TLN2: variants seen among roughly 807,000 people sequenced by gnomAD.
TLN2 encodes the protein talin 2.
TLN2 carries 118 observed loss-of-function variants against 294.7 expected under a neutral mutation model. The ratio of observed to expected loss-of-function variants is 0.40; its 90% CI spans 0.34 to 0.47. The LOEUF is 0.47. Among genes scored for constraint, TLN2 ranks in the 20% least tolerant of loss-of-function variants. The pLI is 0.84. For missense variants in TLN2, 3,083 were observed against 3,282.2 expected (o/e 0.94, Z 1.48); for synonymous variants, 1,431 against 1,304.5 (o/e 1.10, Z -2.09).
At chr15:62,470,017 T>C (rs1039394352) in intron 1 of TLN2, among the ~76,000 whole-genome samples, 2 of 152,132 alleles carry the variant, frequency 1.3e-5, no homozygotes, top group African/African-American at 4.8e-5. Flanking sequence ...CGTGATTGAC[T>C]CAAAACAATA....
intron 16 of TLN2, among the ~76,000 whole-genome samples, chr15:62,699,748 C>T (rs1229262408): frequency 1.3e-5 from 2 of 152,222 alleles, no homozygotes; most frequent in Non-Finnish European, 1.5e-5. Context: ...CACCGGCTAG[C>T]GCTGTCATTC....
At chr15:62,582,244 A>ACG in intron 1 of TLN2, among the ~76,000 whole-genome samples, 1 of 102,796 alleles carries the variant, frequency 9.7e-6, no homozygotes, top group African/African-American at 3.9e-5. Context: ...ACACACACAC[A>ACG]CACATTCATG....
chr15:62,414,227 G>GA (rs1217790017), intron 1 of TLN2, among the ~76,000 whole-genome samples: 1 of 126,234 alleles, frequency 7.9e-6, no homozygotes, highest in African/African-American at 2.8e-5. Context: ...ATGATAGTAG[G>GA]AACAAGTAAG....
chr15:62,509,503 G>C (rs1008186684), intron 1 of TLN2, among the ~76,000 whole-genome samples: 1 of 152,186 alleles, frequency 6.6e-6, no homozygotes, highest in Admixed American at 6.5e-5. Flanking sequence ...GCAGAATCTA[G>C]ATTCCAAATA....
In TLN2 at chr15:62,783,886, A is replaced by G; in HGVS notation, c.5732A>G (p.Glu1911Gly). ...ATGGCAGCAGCCACGGCGGAACCAG[A>G]GGAGGTCTGCCACCTTAAGACCCCT... ...GQMAAATAEPEEIGFQIRTRV... is the reference protein window; with the variant it reads ...GQMAAATAEPGEIGFQIRTRV... Residue 1911 changes from glutamate (E) to glycine (G), a missense_variant, in exon 45 of 59, where the codon GAG becomes GGG. Physicochemically the swap from Glu to Gly is moderately conservative, Grantham distance 98. Coordinates refer to ENST00000636159, the MANE Select transcript of TLN2 (RefSeq NM_015059.3). 2 of 1,613,992 alleles carry G rather than the reference A, an allele frequency of 1.2e-6. No homozygotes were observed. The highest frequency in any genetic ancestry group is 1.7e-6 in the Non-Finnish European group (2 of 1,179,986).
chr15:62,690,938 G>A (rs1290321265), intron 12 of TLN2, among the ~76,000 whole-genome samples: 3 of 151,188 alleles, frequency 2.0e-5, no homozygotes, highest in Non-Finnish European at 4.4e-5. Flanking sequence ...CAGGCAGGGA[G>A]GTTGCAGTGA....
At chr15:62,561,766 G>C (rs1263983114) in intron 1 of TLN2, among the ~76,000 whole-genome samples, 2 of 151,646 alleles carry the variant, frequency 1.3e-5, no homozygotes, top group East Asian at 3.9e-4. Context: ...TTCCCTTTCC[G>C]ACTCCCTGGG....
chr15:62,836,612 C>CTGTTTGAAATTCTA (rs2069638887), intron 57 of TLN2, among the ~76,000 whole-genome samples: 1 of 152,226 alleles, frequency 6.6e-6, no homozygotes, highest in Non-Finnish European at 1.5e-5. Flanking sequence ...TTCTATGAGA[C>CTGTTTGAAATTCTA]TGTTGCTGTT....
At chr15:62,729,321 T>C (rs2060596358) in intron 28 of TLN2, among the ~76,000 whole-genome samples, 1 of 152,242 alleles carries the variant, frequency 6.6e-6, no homozygotes, top group African/African-American at 2.4e-5. Context: ...TTGATTATTC[T>C]TGGCCTTTTC....
In TLN2 at chr15:62,749,450, C is replaced by A. The variant is rs972676827; in HGVS notation, c.4120-952C>A. ...CCAGTACTCCGTCCCTTATTGATATCCTTGGTTGAAAAATATGACTAGTTT... is the reference window on the plus strand; with the variant it reads ...CCAGTACTCCGTCCCTTATTGATATACTTGGTTGAAAAATATGACTAGTTT... On this transcript the variant is annotated intron_variant, in intron 33 of 58. Coordinates refer to ENST00000636159, the MANE Select transcript of TLN2 (RefSeq NM_015059.3). Among the ~76,000 whole-genome samples, 5 of 152,174 alleles carry A rather than the reference C, an allele frequency of 3.3e-5. No individual in the cohort carries two copies. The East Asian group carries it at 9.6e-4, about 29-fold the overall frequency.
intron 28 of TLN2, among the ~76,000 whole-genome samples, chr15:62,735,059 A>ACAT (rs1300912767): frequency 6.6e-6 from 1 of 152,244 alleles, no homozygotes; most frequent in East Asian, 1.9e-4. Flanking sequence ...TTCTAACAGA[A>ACAT]AGGGCTCATA....
chr15:62,692,810 G>A, intron 12 of TLN2, 30 bp from the exon 13 acceptor site: 2 of 1,572,318 alleles, frequency 1.3e-6, no homozygotes, highest in East Asian at 2.2e-5. Flanking sequence ...ATCTGATTTG[G>A]CTATATTTCC....
chr15:62,570,669 A>T (rs1596177741), intron 1 of TLN2, among the ~76,000 whole-genome samples: 1 of 152,022 alleles, frequency 6.6e-6, no homozygotes, highest in African/African-American at 2.4e-5. Flanking sequence ...CATTTTTGTC[A>T]TATGGTGCTG....
At chr15:62,837,798 G>A (rs552682186) in intron 57 of TLN2, among the ~76,000 whole-genome samples, 8 of 152,260 alleles carry the variant, frequency 5.3e-5, no homozygotes, top group African/African-American at 1.4e-4. Flanking sequence ...ATTGGTTCGC[G>A]TCCCACCCTG....
intron 2 of TLN2, among the ~76,000 whole-genome samples, chr15:62,610,190 C>T (rs572090624): frequency 6.6e-6 from 1 of 152,294 alleles, no homozygotes; most frequent in Admixed American, 6.5e-5. Flanking sequence ...TCCTAGACTA[C>T]CTCAGTGGAC....
intron 31 of TLN2, 106 bp from the exon 32 acceptor site, chr15:62,740,524 A>C (rs142266938): frequency 2.0e-6 from 3 of 1,500,000 alleles, no homozygotes; most frequent in African/African-American, 1.4e-5. Context: ...AATGTGATCT[A>C]TACGGATAAC....
At chr15:62,752,776 G>A (rs1428381924) in intron 35 of TLN2, among the ~76,000 whole-genome samples, 3 of 152,096 alleles carry the variant, frequency 2.0e-5, no homozygotes, top group East Asian at 1.9e-4. Context: ...TTAGAAATGC[G>A]AAACTGTTAT....
intron 44 of TLN2, among the ~76,000 whole-genome samples, chr15:62,783,541 C>T (rs1248024832): frequency 2.0e-5 from 3 of 152,224 alleles, no homozygotes; most frequent in Admixed American, 6.5e-5. Context: ...GTGGCCTGAG[C>T]GGGGCCCTGC....
chr15:62,403,683 T>C (rs2033188842), intron 1 of TLN2, among the ~76,000 whole-genome samples: 2 of 152,154 alleles, frequency 1.3e-5, no homozygotes, highest in South Asian at 4.1e-4. Context: ...CATGTCACAA[T>C]CTGGTTCTCC....
Sources: allele counts gnomAD v4.1 joint callset (sites outside exome capture counted in the v4.1 genomes callset), GRCh38; gene constraint gnomAD v4.1.1; transcripts MANE v1.5; gene names NCBI Gene and HGNC (gene_info 2026-07-23, HGNC 2026-07-21).